The following MAPK10 variants were observed in gnomAD, a reference collection of about 807,000 sequenced individuals.
MAPK10 encodes mitogen-activated protein kinase 10, also known as JNK3 alpha protein kinase.
MAPK10 carries 25 observed loss-of-function variants against 59.3 expected under a neutral mutation model. That is an observed-to-expected ratio of 0.42 (90% confidence interval 0.31 to 0.59). The LOEUF is 0.59. Among genes scored for constraint, MAPK10 ranks in the 20% least tolerant of loss-of-function variants. The pLI is 0.15. For synonymous variants in MAPK10, 190 were observed against 200.5 expected, an observed-to-expected ratio of 0.95 and a Z score of 0.44; for missense variants, 351 against 568.9, an observed-to-expected ratio of 0.62 and a Z score of 3.90.
chr4:86,535,529 G>A (rs189605986), intron 1 of MAPK10, among the ~76,000 whole-genome samples: 2 of 152,178 alleles, frequency 1.3e-5, no homozygotes, highest in Admixed American at 6.5e-5. Context: ...CTAATTTTTT[G>A]TTTGTTTTTT....
chr4:86,067,135 GTATAATA>G (rs1462740171), intron 10 of MAPK10, among the ~76,000 whole-genome samples: 1 of 152,040 alleles, frequency 6.6e-6, no homozygotes, highest in African/African-American at 2.4e-5. Flanking sequence ...ACATTATGAA[GTATAATA>G]TATATCTATT....
chr4:86,378,889 A>G (rs1740237239), intron 1 of MAPK10, among the ~76,000 whole-genome samples: 1 of 152,318 alleles, frequency 6.6e-6, no homozygotes, highest in Non-Finnish European at 1.5e-5. Context: ...AAGAGAAATA[A>G]GGAGGAAACA....
chr4:86,550,264 GTA>G, intron 1 of MAPK10, among the ~76,000 whole-genome samples: 2 of 151,108 alleles, frequency 1.3e-5, no homozygotes, highest in South Asian at 4.2e-4. Context: ...ATGAACCGTT[GTA>G]TATTTTTGGT....
At chr4:86,118,613 C>A (rs999435169) in intron 4 of MAPK10, among the ~76,000 whole-genome samples, 1 of 132,294 alleles carries the variant, frequency 7.6e-6, no homozygotes, top group African/African-American at 2.8e-5. Flanking sequence ...CACACACACA[C>A]ACATCTCTGA....
chr4:86,108,990 C>A (rs1348657901), intron 4 of MAPK10, among the ~76,000 whole-genome samples: 3 of 152,136 alleles, frequency 2.0e-5, no homozygotes, highest in Non-Finnish European at 4.4e-5. Context: ...TGGTCAGTTT[C>A]CTCTGAATAA....
chr4:86,365,814 T>A (rs1737784895), intron 1 of MAPK10, among the ~76,000 whole-genome samples: 2 of 152,198 alleles, frequency 1.3e-5, no homozygotes. Flanking sequence ...AATATAGAAG[T>A]CTGACTTGAA....
chr4:86,112,224 T>C (rs933150216), intron 4 of MAPK10, among the ~76,000 whole-genome samples: 3 of 152,038 alleles, frequency 2.0e-5, no homozygotes, highest in Admixed American at 6.6e-5. Flanking sequence ...TCAGTTCTGC[T>C]CTGAGCTTGG....
At chr4:86,044,853 T>A (rs1472468083) in intron 11 of MAPK10, 1 of 396,618 alleles carries the variant, frequency 2.5e-6, no homozygotes, top group African/African-American at 2.1e-5. Context: ...AATGAAAGAT[T>A]TTCATCTACT....
At chr4:86,140,232 A>G (rs1243716648) in intron 4 of MAPK10, among the ~76,000 whole-genome samples, 1 of 139,970 alleles carries the variant, frequency 7.1e-6, no homozygotes, top group African/African-American at 3.0e-5. Flanking sequence ...ACACATGCAC[A>G]CGTATGTTTA....
At chr4:86,394,635 C>A (rs1202864366) in intron 1 of MAPK10, among the ~76,000 whole-genome samples, 2 of 151,956 alleles carry the variant, frequency 1.3e-5, no homozygotes, top group Non-Finnish European at 2.9e-5. Context: ...ACTTGGAAAC[C>A]TGAAAACTCG....
chr4:86,021,792 C>T (rs1246385098), intron 13 of MAPK10, among the ~76,000 whole-genome samples: 1 of 152,238 alleles, frequency 6.6e-6, no homozygotes, highest in Non-Finnish European at 1.5e-5. Context: ...TCGAGCACAG[C>T]GCCGGTGGGC....
At chr4:86,389,493 C>G (rs1741923493) in intron 1 of MAPK10, among the ~76,000 whole-genome samples, 1 of 152,226 alleles carries the variant, frequency 6.6e-6, no homozygotes, top group African/African-American at 2.4e-5. Flanking sequence ...GCATGCCACA[C>G]TCCCCTACGG....
intron 2 of MAPK10, among the ~76,000 whole-genome samples, chr4:86,309,499 A>C (rs2095629858): frequency 6.6e-6 from 1 of 152,190 alleles, no homozygotes; most frequent in Non-Finnish European, 1.5e-5. Flanking sequence ...CGGTAATTGC[A>C]TTAAGGAGAT....
intron 2 of MAPK10, among the ~76,000 whole-genome samples, chr4:86,220,900 C>T (rs112217791): frequency 0.017 from 2,631 of 152,230 alleles, 100 homozygotes; most frequent in African/African-American, 0.059. Context: ...TCTCAATTGT[C>T]GAACAACATA....
intron 1 of MAPK10, among the ~76,000 whole-genome samples, chr4:86,446,367 C>T (rs1361428103): frequency 6.6e-6 from 1 of 152,054 alleles, no homozygotes; most frequent in African/African-American, 2.4e-5. Flanking sequence ...AATTACATTA[C>T]CTAACACATT....
intron 1 of MAPK10, among the ~76,000 whole-genome samples, chr4:86,473,382 T>C (rs912478771): frequency 2.0e-5 from 3 of 152,200 alleles, no homozygotes; most frequent in Non-Finnish European, 4.4e-5. Context: ...GAAGGTTCTC[T>C]GAATTACCAA....
At chr4:86,323,127 TTG>T (rs1224813616) in intron 2 of MAPK10, among the ~76,000 whole-genome samples, 5 of 152,152 alleles carry the variant, frequency 3.3e-5, no homozygotes, top group Non-Finnish European at 7.4e-5. Context: ...TGAGCTGAGG[TTG>T]TTCCACTGTG....
chr4:86,160,850 G>T (rs898440352), intron 3 of MAPK10, among the ~76,000 whole-genome samples: 1 of 151,994 alleles, frequency 6.6e-6, no homozygotes, highest in Non-Finnish European at 1.5e-5. Flanking sequence ...CCTCTGGATT[G>T]ATAATAAAAC....
chr4:86,212,363 A>C (rs1275310511), intron 2 of MAPK10, among the ~76,000 whole-genome samples: 2 of 152,102 alleles, frequency 1.3e-5, no homozygotes, highest in Non-Finnish European at 2.9e-5. Context: ...ACAAAAAAAA[A>C]ATTATAAAAT....
Sources: gnomAD v4.1 joint callset for allele counts (sites outside exome capture counted in the v4.1 genomes callset) on GRCh38, gnomAD v4.1.1 for gene constraint, MANE v1.5 for transcripts, NCBI Gene and HGNC (gene_info 2026-07-23, HGNC 2026-07-21) for gene names.